Variants in PLEK2 observed in about 807,000 individuals in gnomAD.
PLEK2 encodes pleckstrin-2.
Under a neutral mutation model 43.8 loss-of-function variants are expected in PLEK2, and 29 were observed. The ratio of observed to expected loss-of-function variants is 0.66; its 90% CI spans 0.49 to 0.90. The LOEUF (loss-of-function observed/expected upper bound fraction) is 0.90, where lower values mean the gene tolerates loss of function less well. Among genes scored for constraint, PLEK2 ranks in the 40% least tolerant of loss-of-function variants. The pLI is 0.00. For missense variants in PLEK2, 398 were observed against 448.1 expected, an observed-to-expected ratio of 0.89 and a Z score of 1.01; for synonymous variants, 162 against 173.2, an observed-to-expected ratio of 0.94 and a Z score of 0.51.
At chr14:67,396,301 C>T (rs1351961474) in intron 2 of PLEK2, among the ~76,000 whole-genome samples, 5 of 151,764 alleles carry the variant, frequency 3.3e-5, no homozygotes, top group South Asian at 2.1e-4. Flanking sequence ...ACGCCCACCA[C>T]CCCGCCTGGC....
intron 1 of PLEK2, among the ~76,000 whole-genome samples, chr14:67,407,899 A>G (rs2086090001): frequency 1.3e-5 from 2 of 152,286 alleles, no homozygotes; most frequent in South Asian, 4.1e-4. Context: ...CTTGAGCTCA[A>G]GAGCTCAACA....
intron 6 of PLEK2, among the ~76,000 whole-genome samples, chr14:67,391,971 A>G (rs2085972209): frequency 6.6e-6 from 1 of 152,182 alleles, no homozygotes. Flanking sequence ...CGCCCCAAGG[A>G]ACAGAAGGCC....
chr14:67,388,864 A>G (rs2085946738), intron 7 of PLEK2, among the ~76,000 whole-genome samples: 1 of 151,922 alleles, frequency 6.6e-6, no homozygotes, highest in South Asian at 2.1e-4. Context: ...TTTTTAGTAG[A>G]GGCAGGGGTT....
Position 67,393,274 on chromosome 14 carries a change from C to G in PLEK2, c.390-33G>C, listed in dbSNP as rs372795799. The G allele has an allele frequency of 8.1e-6, 12 of 1,480,488 alleles. No homozygotes were observed. In the South Asian group the frequency reaches 1.4e-4, roughly 17 times the overall value. The allele number at this position is 1,480,488 out of a possible 1,614,324, so 91.7% of individuals were successfully genotyped here. On this transcript the variant is annotated intron_variant, in intron 3 of 8. Coordinates refer to ENST00000216446, the MANE Select transcript of PLEK2 (RefSeq NM_016445.3). Reference sequence around the variant, plus strand: ...GAAGGGAAGGCAAAGGAGAGGGAACCCTCATCACGCGGGCAGGTATAAGGG... The same window carrying G: ...GAAGGGAAGGCAAAGGAGAGGGAACGCTCATCACGCGGGCAGGTATAAGGG...
chr14:67,394,785 C>G (rs2085994350), intron 3 of PLEK2, among the ~76,000 whole-genome samples: 1 of 152,190 alleles, frequency 6.6e-6, no homozygotes, highest in African/African-American at 2.4e-5. Context: ...CATGGGGGCT[C>G]TGCCCTTGTG....
At chr14:67,390,601 GGA>G in intron 7 of PLEK2, 60 bp downstream of exon 7, 3 of 1,160,052 alleles carry the variant, frequency 2.6e-6, no homozygotes, top group East Asian at 2.3e-5. Flanking sequence ...CGCCATGCCA[GGA>G]GAGGAGTGTC....
chr14:67,405,514 A>C (rs577520527), intron 1 of PLEK2, among the ~76,000 whole-genome samples: 1 of 152,192 alleles, frequency 6.6e-6, no homozygotes, highest in Non-Finnish European at 1.5e-5. Flanking sequence ...TCCAGGACAG[A>C]TGACTGGCAT....
chr14:67,397,231 G>A (rs1228208778), intron 2 of PLEK2, among the ~76,000 whole-genome samples: 3 of 152,122 alleles, frequency 2.0e-5, no homozygotes, highest in African/African-American at 7.2e-5. Context: ...GAGCCACCAC[G>A]CCCAGCCTAG....
chr14:67,390,791 G>T, intron 6 of PLEK2, 45 bp from the exon 7 acceptor site: 1 of 1,291,984 alleles, frequency 7.7e-7, no homozygotes, highest in Non-Finnish European at 1.1e-6. Flanking sequence ...ACAGCTGCAT[G>T]TCCCTCTCTC....
chr14:67,387,588 A>T, intron 8 of PLEK2, 132 bp from the exon 9 acceptor site: 2 of 950,332 alleles, frequency 2.1e-6, no homozygotes, highest in Non-Finnish European at 3.0e-6. Flanking sequence ...AAAGGTTTAC[A>T]GTTAGAGAAT....
chr14:67,398,076 A>G (rs1331050718), intron 1 of PLEK2: 1 of 350,692 alleles, frequency 2.9e-6, no homozygotes, highest in Non-Finnish European at 5.1e-6. Flanking sequence ...AAAAGAAGAG[A>G]AAAATCACTT....
At chr14:67,395,691 A>T in intron 2 of PLEK2, 108 bp from the exon 3 acceptor site, 1 of 801,146 alleles carries the variant, frequency 1.2e-6, no homozygotes, top group Non-Finnish European at 2.1e-6. Context: ...TGACTGCCAA[A>T]TGCCCTGAGC....
chr14:67,395,107 G>T (rs888578855), intron 3 of PLEK2, among the ~76,000 whole-genome samples: 7 of 152,198 alleles, frequency 4.6e-5, no homozygotes, highest in African/African-American at 1.7e-4. Flanking sequence ...TGGGGGAGCT[G>T]TGACACAGCC....
intron 1 of PLEK2, among the ~76,000 whole-genome samples, chr14:67,404,836 ATTTC>A (rs2086068955): frequency 1.3e-5 from 2 of 152,094 alleles, no homozygotes; most frequent in South Asian, 4.2e-4. Flanking sequence ...GTACATAAGT[ATTTC>A]TAATACTTAT....
chr14:67,400,515 C>T (rs2086040907), intron 1 of PLEK2, among the ~76,000 whole-genome samples: 1 of 152,200 alleles, frequency 6.6e-6, no homozygotes, highest in Non-Finnish European at 1.5e-5. Context: ...TATGACCACC[C>T]CCCGCCCCAA....
intron 6 of PLEK2, among the ~76,000 whole-genome samples, chr14:67,391,680 T>C (rs574950936): frequency 6.6e-6 from 1 of 152,216 alleles, no homozygotes; most frequent in East Asian, 1.9e-4. Flanking sequence ...AAATGTCTGC[T>C]ACACTTCCTG....
At chr14:67,399,343 G>C (rs2086031647) in intron 1 of PLEK2, among the ~76,000 whole-genome samples, 1 of 151,266 alleles carries the variant, frequency 6.6e-6, no homozygotes, top group African/African-American at 2.4e-5. Context: ...GGAATAAAGA[G>C]AAGGGTAGTT....
At chr14:67,403,652 A>C (rs773128255) in intron 1 of PLEK2, among the ~76,000 whole-genome samples, 2 of 152,246 alleles carry the variant, frequency 1.3e-5, no homozygotes, top group Non-Finnish European at 2.9e-5. Context: ...ATGACAAAAG[A>C]TGTACTACGT....
rs759671979 is a variant in PLEK2, at chr14:67,397,766, A to G, written c.103T>C (p.Tyr35His). 2 of 1,613,478 alleles carry G rather than the reference A, an allele frequency of 1.2e-6. No individual in the cohort carries two copies. The highest frequency in any genetic ancestry group is 1.7e-6 in the Non-Finnish European group (2 of 1,179,678). The change falls in exon 2 of 9, where the codon TAC becomes CAC. Residue 35 changes from tyrosine (Y) to histidine (H), a missense_variant. By Grantham distance (83) the Tyr-to-His change is moderately conservative. Transcript: ENST00000216446. Reference sequence around the variant, plus strand: ...CTCCGACCCCCCTCAAGCTTGTAGTACACCAGCGTGTTCTGCCGAAGGATG... The same window carrying G: ...CTCCGACCCCCCTCAAGCTTGTAGTGCACCAGCGTGTTCTGCCGAAGGATG... ...WFILRQNTLV[Y>H]YKLEGGRRVT...
Sources: allele counts gnomAD v4.1 joint callset (sites outside exome capture counted in the v4.1 genomes callset), GRCh38; gene constraint gnomAD v4.1.1; transcripts MANE v1.5; gene names NCBI Gene and HGNC (gene_info 2026-07-23, HGNC 2026-07-21).